The following ANAPC16 variants were observed in gnomAD, a reference collection of about 807,000 sequenced individuals.
ANAPC16 encodes anaphase promoting complex subunit 16, also known as anaphase-promoting complex subunit 16.
ANAPC16 carries 6 observed loss-of-function variants against 13.1 expected under a neutral mutation model. The ratio of observed to expected loss-of-function variants is 0.46; its 90% CI spans 0.25 to 0.90. ANAPC16 has a LOEUF of 0.90. ANAPC16 is among the 40% of genes least tolerant of loss of function. The pLI, the probability that ANAPC16 is intolerant of heterozygous loss-of-function variation, is 0.18. For missense variants in ANAPC16, 113 were observed against 131.1 expected (o/e 0.86, Z 0.67); for synonymous variants, 55 against 51.3 (o/e 1.07, Z -0.31).
In ANAPC16 at chr10:72,223,910, A is replaced by G; in HGVS notation, c.-5A>G. 1 of 1,592,586 alleles carries G rather than the reference A, an allele frequency of 6.3e-7. No individual in the cohort carries two copies. The highest frequency in any genetic ancestry group is 8.6e-7 in the Non-Finnish European group (1 of 1,164,678). ...TAGTGAAGTAAGAACTCTGCTAGAG[A>G]GGAAATGGCTGCTTCATCATCATCC... is the stretch of plus-strand genomic sequence containing the variant. On this transcript the variant is annotated 5_prime_UTR_variant, in exon 2 of 4. Coordinates refer to ENST00000299381, the MANE Select transcript of ANAPC16 (RefSeq NM_173473.4).
At chr10:72,217,091 G>A (rs1859485853) in intron 1 of ANAPC16, 1 of 453,878 alleles carries the variant, frequency 2.2e-6, no homozygotes, top group Non-Finnish European at 4.4e-6. Context: ...AAGCACAGTG[G>A]AAACACTGCC....
chr10:72,230,581 G>C (rs1276094409), intron 3 of ANAPC16, 141 bp downstream of exon 3: 17 of 693,576 alleles, frequency 2.5e-5, no homozygotes, highest in Non-Finnish European at 4.2e-5. Flanking sequence ...TCTTAATCTA[G>C]TCATAATGTC....
At chr10:72,229,317 T>C (rs1251229051) in intron 2 of ANAPC16, among the ~76,000 whole-genome samples, 2 of 142,900 alleles carry the variant, frequency 1.4e-5, no homozygotes, top group East Asian at 2.0e-4. Context: ...ACAGTATCTA[T>C]AGTTGTTTTT....
intron 1 of ANAPC16, among the ~76,000 whole-genome samples, chr10:72,222,361 T>A (rs1482074146): frequency 6.8e-6 from 1 of 148,138 alleles, no homozygotes; most frequent in African/African-American, 2.6e-5. Context: ...GAGGTTGCAG[T>A]GAGCAGAGAT....
At chr10:72,222,890 G>T (rs946950574) in intron 1 of ANAPC16, among the ~76,000 whole-genome samples, 2 of 152,118 alleles carry the variant, frequency 1.3e-5, no homozygotes, top group Non-Finnish European at 2.9e-5. Context: ...CTTTTGTAAG[G>T]TGTCATGTAT....
Position 72,230,388 on chromosome 10 carries a change from C to T in ANAPC16, c.165C>T (p.Cys55=), listed in dbSNP as rs779300296. 22 of 1,613,808 alleles carry T rather than the reference C, an allele frequency of 1.4e-5. No homozygotes were observed. Among genetic ancestry groups the T allele is most frequent in the South Asian group, 1.2e-4 (11 of 91,086 alleles). Residue 55 remains cysteine (C), a synonymous_variant, in exon 3 of 4, where the codon TGC becomes TGT. Coordinates refer to ENST00000299381, the MANE Select transcript of ANAPC16 (RefSeq NM_173473.4). ...MLEDGSERFL[C]ESVFSYQVAS... ...TAGATGGCTCTGAGAGATTCCTCTG[C>T]GAATCTGTTTTTAGCTATCAAGTGG...
intron 2 of ANAPC16, among the ~76,000 whole-genome samples, chr10:72,229,121 C>T (rs1860214409): frequency 6.6e-6 from 1 of 151,726 alleles, no homozygotes; most frequent in Non-Finnish European, 1.5e-5. Context: ...CATTCAAACC[C>T]CTTTTTTTTT....
chr10:72,223,851 C>T lies in ANAPC16; in HGVS notation c.-27-37C>T, dbSNP rs1374932709. The T allele has an allele frequency of 6.2e-6, 9 of 1,442,178 alleles. No individual in the cohort carries two copies. The East Asian group carries it at 1.2e-4, about 19-fold the overall frequency. 89.3% of individuals were successfully genotyped at this position (1,442,178 alleles called of 1,614,324 possible). ...AATGAAATGTTGTCACTCTCACTTC[C>T]ATAAACTTGCCAATTGCTGTTTTTC... On this transcript the variant is annotated intron_variant, in intron 1 of 3. Coordinates refer to ENST00000299381, the MANE Select transcript of ANAPC16 (RefSeq NM_173473.4).
intron 1 of ANAPC16, among the ~76,000 whole-genome samples, chr10:72,218,376 T>C (rs1312675031): frequency 6.6e-6 from 1 of 151,460 alleles, no homozygotes; most frequent in African/African-American, 2.4e-5. Flanking sequence ...AGCAAGTAAG[T>C]AGCAAAACCA....
rs561141916 is a variant in ANAPC16 at position 72,224,001 on chromosome 10, C to T, written c.87C>T (p.Ala29=). 4 of 1,611,924 alleles carry T rather than the reference C, an allele frequency of 2.5e-6. No homozygotes were observed. In the East Asian group the frequency reaches 6.7e-5, roughly 27 times the overall value. The part of the protein sequence containing the change: ...TGSGFSVSDL[A]PPRKALFTYP... Reference sequence around the variant, plus strand: ...CTGGTTTCAGTGTCTCAGACCTTGCCCCACCACGGAAAGCCCTTTTCACCT... The same window carrying T: ...CTGGTTTCAGTGTCTCAGACCTTGCTCCACCACGGAAAGCCCTTTTCACCT... Residue 29 remains alanine (A), a synonymous_variant, in exon 2 of 4, where the codon GCC becomes GCT. Coordinates refer to ENST00000299381, the MANE Select transcript of ANAPC16 (RefSeq NM_173473.4).
At chr10:72,224,253 T>C (rs1371712523) in intron 2 of ANAPC16, among the ~76,000 whole-genome samples, 197 bp downstream of exon 2, 1 of 152,152 alleles carries the variant, frequency 6.6e-6, no homozygotes, top group Non-Finnish European at 1.5e-5. Flanking sequence ...AAAAGGACTT[T>C]GGAAATCAAT....
At chr10:72,216,704 G>C (rs983653021) in intron 1 of ANAPC16, 3 of 393,204 alleles carry the variant, frequency 7.6e-6, no homozygotes, top group Non-Finnish European at 1.5e-5. Flanking sequence ...TGAATGCGAG[G>C]TCATCCCTGC....
At chr10:72,224,322 CAG>C (rs1175985064) in intron 2 of ANAPC16, among the ~76,000 whole-genome samples, 1 of 152,036 alleles carries the variant, frequency 6.6e-6, no homozygotes, top group Non-Finnish European at 1.5e-5. Flanking sequence ...AGGTTAAAGG[CAG>C]AGTCAGGGCT....
intron 3 of ANAPC16, 112 bp downstream of exon 3, chr10:72,230,552 A>T: frequency 1.1e-6 from 1 of 870,198 alleles, no homozygotes. Flanking sequence ...GGACTTCCTA[A>T]ATTAAAGAAC....
chr10:72,233,012 G>A lies in ANAPC16; in HGVS notation c.229G>A (p.Ala77Thr). Residue 77 changes from alanine to threonine, a missense_variant, in exon 4 of 4, where the codon GCT (alanine) becomes ACT (threonine). Coordinates refer to ENST00000299381, the MANE Select transcript of ANAPC16 (RefSeq NM_173473.4). Reference protein sequence around the residue: ...LKQVKHDQQVARMEKLAGLVE... With the variant: ...LKQVKHDQQVTRMEKLAGLVE... ...TTGACTCCTTACAGATCAGCAAGTTGCTCGGATGGAAAAACTAGCTGGTTT... is the reference window on the plus strand; with the variant it reads ...TTGACTCCTTACAGATCAGCAAGTTACTCGGATGGAAAAACTAGCTGGTTT... The A allele has an allele frequency of 6.2e-7, 1 of 1,614,072 alleles. No homozygotes were observed. The highest frequency in any genetic ancestry group is 8.5e-7 in the Non-Finnish European group (1 of 1,179,944).
chr10:72,223,077 G>A (rs1321508391), intron 1 of ANAPC16: 1 of 144,632 alleles, frequency 6.9e-6, no homozygotes, highest in Non-Finnish European at 1.5e-5. Flanking sequence ...TAGATGAAAA[G>A]GTTAATTTTT....
intron 1 of ANAPC16, among the ~76,000 whole-genome samples, chr10:72,219,377 A>G (rs1478166299): frequency 6.6e-6 from 1 of 152,194 alleles, no homozygotes; most frequent in Admixed American, 6.6e-5. Context: ...GCCTCTGTGG[A>G]TATGAGTACA....
intron 2 of ANAPC16, among the ~76,000 whole-genome samples, chr10:72,225,011 C>T (rs940788666): frequency 2.0e-5 from 3 of 152,166 alleles, no homozygotes; most frequent in African/African-American, 7.2e-5. Flanking sequence ...TGGCCAGGCA[C>T]TGTAGCTCAT....
In ANAPC16 at chr10:72,234,310, T is replaced by A. The variant is rs4293052; in HGVS notation, c.*1194T>A. 11,664 of 151,872 alleles carry A rather than the reference T, an allele frequency of 0.077. 1,199 individuals are homozygous for A. Among genetic ancestry groups the A allele is most frequent in the African/African-American group, 0.22 (9,301 of 41,380 alleles). The allele number at this position is 151,872 out of a possible 1,614,324, so 9.4% of individuals were successfully genotyped here. ...GGCGTGAGCCACCTTGCCCAGCCAATTTTTTTTTAAAGAGACATGGTCTTG... is the reference window on the plus strand; with the variant it reads ...GGCGTGAGCCACCTTGCCCAGCCAAATTTTTTTTAAAGAGACATGGTCTTG... On this transcript the variant is annotated 3_prime_UTR_variant, in exon 4 of 4. Coordinates refer to ENST00000299381, the MANE Select transcript of ANAPC16 (RefSeq NM_173473.4).
Sources: gnomAD v4.1 joint callset for allele counts (sites outside exome capture counted in the v4.1 genomes callset) on GRCh38, gnomAD v4.1.1 for gene constraint, MANE v1.5 for transcripts, NCBI Gene and HGNC (gene_info 2026-07-23, HGNC 2026-07-21) for gene names.